Variants in NF1 observed in about 807,000 individuals in gnomAD.
NF1 encodes neurofibromin 1.
NF1 carries 122 observed loss-of-function variants against 325.7 expected under a neutral mutation model. The ratio of observed to expected loss-of-function variants is 0.37; its 90% CI spans 0.32 to 0.44. NF1 has a LOEUF of 0.44. Ranked by LOEUF, NF1 falls within the 20% of genes least tolerant of loss-of-function variation. The pLI, the probability that NF1 is intolerant of heterozygous loss-of-function variation, is 1.00. For synonymous variants in NF1, 1,091 were observed against 1,186.0 expected, an observed-to-expected ratio of 0.92 and a Z score of 1.65; for missense variants, 2,140 against 3,415.4, an observed-to-expected ratio of 0.63 and a Z score of 9.31.
chr17:31,324,014 T>C (rs2069280087), intron 36 of NF1, among the ~76,000 whole-genome samples: 1 of 152,224 alleles, frequency 6.6e-6, no homozygotes, highest in Non-Finnish European at 1.5e-5. Flanking sequence ...GTGAAGTTTT[T>C]TATTGATACA....
chr17:31,271,282 C>G (rs968326236), intron 36 of NF1, among the ~76,000 whole-genome samples: 2 of 152,134 alleles, frequency 1.3e-5, no homozygotes, highest in Non-Finnish European at 2.9e-5. Flanking sequence ...ATAAGATAAT[C>G]TTGTCATTGG....
intron 1 of NF1, among the ~76,000 whole-genome samples, chr17:31,125,311 A>G (rs1438072422): frequency 1.3e-5 from 2 of 151,520 alleles, no homozygotes; most frequent in African/African-American, 2.4e-5. Context: ...CATTATTTGT[A>G]TATATTGTAT....
At chr17:31,115,297 T>A (rs369013013) in intron 1 of NF1, among the ~76,000 whole-genome samples, 1 of 152,106 alleles carries the variant, frequency 6.6e-6, no homozygotes, top group African/African-American at 2.4e-5. Flanking sequence ...GTCCAAACTG[T>A]CAGTAGTGCT....
intron 29 of NF1, among the ~76,000 whole-genome samples, chr17:31,236,420 G>A (rs772541990): frequency 2.0e-5 from 3 of 151,896 alleles, no homozygotes; most frequent in Non-Finnish European, 2.9e-5. Flanking sequence ...AGGTAATGCA[G>A]GCTGCAGTTT....
chr17:31,290,733 C>T (rs1012785675), intron 36 of NF1, among the ~76,000 whole-genome samples: 26 of 152,102 alleles, frequency 1.7e-4, no homozygotes, highest in African/African-American at 6.3e-4. Flanking sequence ...CGGCCGGGCA[C>T]GGTGGCTCAC....
chr17:31,115,460 ACTT>A (rs1913816688), intron 1 of NF1, among the ~76,000 whole-genome samples: 3 of 152,340 alleles, frequency 2.0e-5, no homozygotes, highest in South Asian at 4.1e-4. Flanking sequence ...TTGAAACAAA[ACTT>A]CTGCTAATGG....
Position 31,095,460 on chromosome 17 carries a change from G to C in NF1, c.60+91G>C. 4 of 1,253,158 alleles carry C rather than the reference G, an allele frequency of 3.2e-6. No homozygotes were observed. In the South Asian group the frequency reaches 5.6e-5, roughly 18 times the overall value. 77.6% of individuals were successfully genotyped at this position (1,253,158 alleles called of 1,614,324 possible). On this transcript the variant is annotated intron_variant, in intron 1 of 57. Coordinates refer to ENST00000358273, the MANE Select transcript of NF1 (RefSeq NM_001042492.3). ...AGGTAGGAGCGGCCGCCTCCCCCGC[G>C]GCTGCCTCAGGCTCTGGAGGAAAGG... is the stretch of plus-strand genomic sequence containing the variant.
chr17:31,170,925 T>C (rs1321071326), intron 5 of NF1, among the ~76,000 whole-genome samples: 1 of 152,212 alleles, frequency 6.6e-6, no homozygotes, highest in East Asian at 1.9e-4. Flanking sequence ...TATTTTTATT[T>C]GTAACTTAAG....
chr17:31,176,399 G>C (rs939732271), intron 5 of NF1, among the ~76,000 whole-genome samples: 5 of 152,154 alleles, frequency 3.3e-5, no homozygotes, highest in Non-Finnish European at 5.9e-5. Flanking sequence ...TGTAGGTTCT[G>C]GTTATTAGCC....
intron 5 of NF1, among the ~76,000 whole-genome samples, chr17:31,172,778 T>TAGAAAGGCTTTGAGGTAG (rs753224517): frequency 9.0e-4 from 137 of 152,318 alleles, no homozygotes; most frequent in Non-Finnish European, 1.6e-3. Flanking sequence ...TGGGAAGTGA[T>TAGAAAGGCTTTGAGGTAG]AGAAAGGCTT....
intron 17 of NF1, 87 bp downstream of exon 17, chr17:31,225,337 A>T: frequency 7.0e-7 from 1 of 1,425,300 alleles, no homozygotes; most frequent in Non-Finnish European, 9.8e-7. Flanking sequence ...TCTAGGTAAT[A>T]TAGTGTAATA....
chr17:31,249,220 A>G, intron 30 of NF1, 101 bp downstream of exon 30: 1 of 1,323,490 alleles, frequency 7.6e-7, no homozygotes, highest in East Asian at 2.3e-5. Flanking sequence ...GTGGTTAACT[A>G]TAATACTGAG....
chr17:31,108,953 A>G (rs1329688500), intron 1 of NF1, among the ~76,000 whole-genome samples: 1 of 152,236 alleles, frequency 6.6e-6, no homozygotes, highest in Non-Finnish European at 1.5e-5. Context: ...GGTAATATGC[A>G]TGAAAGTATT....
rs149654438 is a variant in NF1 at position 31,239,605 on chromosome 17, G to A, written c.3974+3584G>A. Among the ~76,000 whole-genome samples, 498 of 152,022 alleles carry A rather than the reference G, an allele frequency of 3.3e-3. 8 individuals carry two copies. Among genetic ancestry groups the A allele is most frequent in the African/African-American group, 0.011 (465 of 41,432 alleles). On this transcript the variant is annotated intron_variant, in intron 29 of 57. Coordinates refer to ENST00000358273, the MANE Select transcript of NF1 (RefSeq NM_001042492.3). ...AAAAATAGGAAAAAAATAATGAAAC[G>A]CAAAGCTAGATCTTTTTATTTTTTA...
intron 29 of NF1, 37 bp downstream of exon 29, chr17:31,236,058 T>TGG (rs1555615580): frequency 1.9e-4 from 214 of 1,108,690 alleles, no homozygotes; most frequent in Admixed American, 9.7e-5. Flanking sequence ...CTGTTTTTTG[T>TGG]TTTTTTTTTT....
In NF1 at chr17:31,334,953, C is replaced by G. The variant is rs568852704; in HGVS notation, c.5928C>G (p.Asp1976Glu). The G allele has an allele frequency of 6.2e-7, 1 of 1,613,568 alleles. No homozygotes were observed. Among genetic ancestry groups the G allele is most frequent in the Non-Finnish European group, 8.5e-7 (1 of 1,179,916 alleles). The change falls in exon 40 of 58, where the codon GAC becomes GAG. Residue 1976 changes from aspartate to glutamate, a missense_variant. Physicochemically the swap from Asp to Glu is conservative, Grantham distance 45. Transcript: ENST00000358273. ...AKRQRVTAILDKLITMTINEK... is the reference protein window; with the variant it reads ...AKRQRVTAILEKLITMTINEK... ...GACAAAGAGTTACTGCTATTCTTGA[C>G]AAGCTGATAACAATGACCATCAATG... is the stretch of plus-strand genomic sequence containing the variant.
chr17:31,095,179 C>T lies in NF1; in HGVS notation c.-131C>T, dbSNP rs763974303. 1.3e-6 allele frequency: 1 copy of T among 768,538 alleles called. No individual in the cohort carries two copies. Among genetic ancestry groups the T allele is most frequent in the South Asian group, 1.5e-5 (1 of 68,154 alleles). 47.6% of individuals were successfully genotyped at this position (768,538 alleles called of 1,614,324 possible). On this transcript the variant is annotated 5_prime_UTR_variant, in exon 1 of 58. Transcript: ENST00000358273. ...CCCCCCATCCCCACCCCCGTGGGAACACTGGGAGCCTGCACTCCACAGACC... is the reference window on the plus strand; with the variant it reads ...CCCCCCATCCCCACCCCCGTGGGAATACTGGGAGCCTGCACTCCACAGACC...
chr17:31,164,879 T>A (rs1213982558), intron 4 of NF1, among the ~76,000 whole-genome samples: 1 of 152,226 alleles, frequency 6.6e-6, no homozygotes, highest in Non-Finnish European at 1.5e-5. Context: ...AATGTTTTCA[T>A]GAAATCTTTT....
intron 36 of NF1, among the ~76,000 whole-genome samples, chr17:31,274,769 T>G (rs1173479506): frequency 6.7e-6 from 1 of 149,632 alleles, no homozygotes; most frequent in Non-Finnish European, 1.5e-5. Context: ...TAGTAATGTT[T>G]CGAACTTGAG....
Sources: allele counts gnomAD v4.1 joint callset (sites outside exome capture counted in the v4.1 genomes callset), GRCh38; gene constraint gnomAD v4.1.1; transcripts MANE v1.5; gene names NCBI Gene and HGNC (gene_info 2026-07-23, HGNC 2026-07-21).